The following ELAPOR1 variants were observed in gnomAD, a reference collection of about 807,000 sequenced individuals.
ELAPOR1 encodes endosome-lysosome associated apoptosis and autophagy regulator 1.
ELAPOR1 carries 77 observed loss-of-function variants against 119.7 expected under a neutral mutation model. That is an observed-to-expected ratio of 0.64 (90% CI 0.54 to 0.78). ELAPOR1 has a LOEUF of 0.78. ELAPOR1 is among the 30% of genes least tolerant of loss of function. The pLI is 0.00. For missense variants in ELAPOR1, 1,115 were observed against 1,270.4 expected (o/e 0.88, Z 1.86); for synonymous variants, 481 against 487.2 (o/e 0.99, Z 0.17).
chr1:109,124,253 C>T (rs1435822744), intron 1 of ELAPOR1, among the ~76,000 whole-genome samples: 1 of 151,570 alleles, frequency 6.6e-6, no homozygotes, highest in Non-Finnish European at 1.5e-5. Context: ...AGGAGTCTCA[C>T]TATGTTGCCC....
intron 1 of ELAPOR1, among the ~76,000 whole-genome samples, chr1:109,126,714 G>A (rs1026426716): frequency 2.6e-5 from 4 of 152,100 alleles, no homozygotes; most frequent in East Asian, 3.9e-4. Flanking sequence ...CAAGTGATCC[G>A]CCTGCATTGG....
intron 1 of ELAPOR1, among the ~76,000 whole-genome samples, chr1:109,146,324 TA>T (rs36072628): frequency 0.58 from 87,809 of 150,330 alleles, 27,400 homozygotes; most frequent in East Asian, 0.92. Flanking sequence ...CTGTCTCAAT[TA>T]AAAAAAAAAA....
At chr1:109,162,805 G>A (rs1233851386) in intron 2 of ELAPOR1, among the ~76,000 whole-genome samples, 2 of 152,262 alleles carry the variant, frequency 1.3e-5, no homozygotes, top group South Asian at 2.1e-4. Context: ...GAACTGAGGT[G>A]TGACTAGTGG....
chr1:109,194,164 G>A (rs1352909296), intron 14 of ELAPOR1, among the ~76,000 whole-genome samples: 2 of 152,212 alleles, frequency 1.3e-5, no homozygotes, highest in East Asian at 1.9e-4. Context: ...TAAGGCTATA[G>A]AATTTGTCCA....
chr1:109,116,171 T>C (rs1647982817), intron 1 of ELAPOR1, among the ~76,000 whole-genome samples: 2 of 152,240 alleles, frequency 1.3e-5, no homozygotes, highest in African/African-American at 4.8e-5. Flanking sequence ...CCTTTGGTCC[T>C]GTTTGAATAA....
intron 1 of ELAPOR1, among the ~76,000 whole-genome samples, chr1:109,126,631 C>T (rs570568210): frequency 2.0e-5 from 3 of 152,110 alleles, no homozygotes; most frequent in Non-Finnish European, 4.4e-5. Context: ...CCACCATGCC[C>T]AGCTAATTTT....
intron 1 of ELAPOR1, among the ~76,000 whole-genome samples, chr1:109,120,000 C>T (rs1181301542): frequency 1.3e-5 from 2 of 152,036 alleles, no homozygotes; most frequent in Non-Finnish European, 2.9e-5. Flanking sequence ...ATGTTTGTGT[C>T]CCCCCTAAAT....
chr1:109,189,302 A>C, intron 10 of ELAPOR1, 108 bp downstream of exon 10: 2 of 1,339,858 alleles, frequency 1.5e-6, no homozygotes, highest in Non-Finnish European at 2.1e-6. Context: ...TAAGCTAACC[A>C]TGTCATGCAT....
chr1:109,178,438 T>A (rs6689355), intron 7 of ELAPOR1, among the ~76,000 whole-genome samples: 70,650 of 151,990 alleles, frequency 0.46, 17,465 homozygotes, highest in African/African-American at 0.65. Flanking sequence ...GACTGGGAAA[T>A]TGCAGGGAGA....
chr1:109,172,385 TC>T (rs1202717527), intron 4 of ELAPOR1, 102 bp from the exon 5 acceptor site: 1 of 819,832 alleles, frequency 1.2e-6, no homozygotes, highest in Non-Finnish European at 2.0e-6. Flanking sequence ...TGGCAACTCT[TC>T]CCATATAAAG....
rs1654382293 is a variant in ELAPOR1 at position 109,204,585 on chromosome 1, C to T, written c.*1573C>T. ...CAAGGAGGCCAAGATTTTAATGGGG[C>T]ACTTTAGGGGATACAGCCCACAATG... On this transcript the variant is annotated 3_prime_UTR_variant, in exon 22 of 22. Coordinates refer to ENST00000369939, the MANE Select transcript of ELAPOR1 (RefSeq NM_020775.5). 1 of 152,280 alleles carries T rather than the reference C, an allele frequency of 6.6e-6. No homozygotes were observed. The highest frequency in any genetic ancestry group is 1.5e-5 in the Non-Finnish European group (1 of 68,084). The allele number at this position is 152,280 out of a possible 1,614,324, so 9.4% of individuals were successfully genotyped here.
Position 109,115,125 on chromosome 1 carries a change from G to A in ELAPOR1, c.153+789G>A, listed in dbSNP as rs147691277. ...AGTCAATCTCTTATAACCAAAAATA[G>A]CTTTTGAAAAGTCATCTTGGAGGAA... is the stretch of plus-strand genomic sequence containing the variant. On this transcript the variant is annotated intron_variant, in intron 1 of 21. Coordinates refer to ENST00000369939, the MANE Select transcript of ELAPOR1 (RefSeq NM_020775.5). 7.8e-4 allele frequency among the ~76,000 whole-genome samples: 119 copies of A among 152,258 alleles called. 1 individual carries two copies. In the East Asian group the frequency reaches 0.019, roughly 25 times the overall value.
Position 109,194,435 on chromosome 1 carries a change from C to G in ELAPOR1, c.1962C>G (p.Cys654Trp). The G allele has an allele frequency of 1.2e-6, 2 of 1,613,780 alleles. No homozygotes were observed. Among genetic ancestry groups the G allele is most frequent in the Non-Finnish European group, 1.7e-6 (2 of 1,179,706 alleles). Residue 654 changes from cysteine to tryptophan, a missense_variant, in exon 15 of 22, where the codon TGC becomes TGG. Transcript: ENST00000369939. ...GTKNNKIHSLCYNDCTFSRNT... is the reference protein window; with the variant it reads ...GTKNNKIHSLWYNDCTFSRNT... ...CTCCCCCTCAGATCCACTCTCTGTG[C>G]TACAACGATTGCACCTTCTCACGCA...
At chr1:109,173,979 C>T in intron 7 of ELAPOR1, 142 bp downstream of exon 7, 1 of 892,208 alleles carries the variant, frequency 1.1e-6, no homozygotes, top group Non-Finnish European at 1.7e-6. Context: ...TCCTGGAATA[C>T]CCTTGCCAAT....
intron 11 of ELAPOR1, among the ~76,000 whole-genome samples, chr1:109,190,117 C>T (rs763326835): frequency 3.3e-5 from 5 of 151,980 alleles, no homozygotes; most frequent in Non-Finnish European, 5.9e-5. Flanking sequence ...AATTTGTTTC[C>T]CACTAAACAA....
At chr1:109,158,550 A>G (rs1360571134) in intron 1 of ELAPOR1, among the ~76,000 whole-genome samples, 2 of 151,732 alleles carry the variant, frequency 1.3e-5, no homozygotes, top group South Asian at 2.1e-4. Context: ...ACAGTTCCCC[A>G]CCCTCTCATT....
chr1:109,184,078 T>A (rs1309960115), intron 7 of ELAPOR1, among the ~76,000 whole-genome samples: 5 of 151,882 alleles, frequency 3.3e-5, no homozygotes, highest in South Asian at 2.1e-4. Context: ...AATAATAAAA[T>A]AATAATAAAG....
chr1:109,192,504 T>G, intron 13 of ELAPOR1, 107 bp from the exon 14 acceptor site: 1 of 1,180,154 alleles, frequency 8.5e-7, no homozygotes, highest in Non-Finnish European at 1.2e-6. Context: ...AGATTCTTCT[T>G]AAGTATCACA....
intron 1 of ELAPOR1, among the ~76,000 whole-genome samples, chr1:109,115,347 C>T (rs912022480): frequency 6.6e-6 from 1 of 152,150 alleles, no homozygotes; most frequent in Non-Finnish European, 1.5e-5. Context: ...CATAAAAAGT[C>T]AAGCATCTAG....
Sources: allele counts gnomAD v4.1 joint callset (sites outside exome capture counted in the v4.1 genomes callset), GRCh38; gene constraint gnomAD v4.1.1; transcripts MANE v1.5; gene names NCBI Gene and HGNC (gene_info 2026-07-23, HGNC 2026-07-21).